ARHGAP40: variants seen among roughly 807,000 people sequenced by gnomAD.
ARHGAP40 encodes Rho GTPase activating protein 40.
ARHGAP40 carries 43 observed loss-of-function variants against 73.5 expected under a neutral mutation model. The observed-to-expected ratio is 0.58, with a 90% CI of 0.46 to 0.75. The LOEUF (loss-of-function observed/expected upper bound fraction) is 0.75. ARHGAP40 is among the 30% of genes least tolerant of loss of function. The probability of loss-of-function intolerance (pLI) is 0.00; values close to 1 mark genes in which losing one functional copy is unlikely to be tolerated. For missense variants in ARHGAP40, 734 were observed against 861.8 expected (o/e 0.85, Z 1.86); for synonymous variants, 300 against 352.8 (o/e 0.85, Z 1.68).
intron 10 of ARHGAP40, among the ~76,000 whole-genome samples, chr20:38,643,127 C>G (rs1246794514): frequency 6.9e-6 from 1 of 145,152 alleles, no homozygotes; most frequent in African/African-American, 2.6e-5. Flanking sequence ...GCCTGGGAGA[C>G]AGAGTGAGAC....
chr20:38,613,580 C>G (rs2088816483), intron 1 of ARHGAP40, among the ~76,000 whole-genome samples: 1 of 152,006 alleles, frequency 6.6e-6, no homozygotes, highest in African/African-American at 2.4e-5. Flanking sequence ...GGAGAAGCAC[C>G]CTGCCCTGGA....
chr20:38,638,073 G>T (rs1475489192), intron 7 of ARHGAP40, among the ~76,000 whole-genome samples: 1 of 151,936 alleles, frequency 6.6e-6, no homozygotes, highest in Non-Finnish European at 1.5e-5. Context: ...ACTTTGGGAG[G>T]CCGAAGCGGG....
chr20:38,636,504 C>T (rs138781600), intron 6 of ARHGAP40, among the ~76,000 whole-genome samples: 1,956 of 152,202 alleles, frequency 0.013, 45 homozygotes, highest in African/African-American at 0.045. Context: ...CTCAAATGAT[C>T]TTCCCACCTC....
chr20:38,629,650 G>A (rs764309577), exon 5 of ARHGAP40: 45 of 1,305,172 alleles, frequency 3.4e-5, no homozygotes, highest in South Asian at 6.2e-5. Flanking sequence ...GTTCCCTGCC[G>A]GTGAGGATGC....
intron 3 of ARHGAP40, among the ~76,000 whole-genome samples, chr20:38,628,059 CA>C (rs2088913626): frequency 6.6e-6 from 1 of 152,188 alleles, no homozygotes; most frequent in South Asian, 2.1e-4. Flanking sequence ...GACAGCAGCC[CA>C]GGGGCAGGAC....
intron 1 of ARHGAP40, among the ~76,000 whole-genome samples, chr20:38,621,483 G>A (rs1459093715): frequency 6.6e-6 from 1 of 152,204 alleles, no homozygotes; most frequent in Non-Finnish European, 1.5e-5. Flanking sequence ...TGCTTAGCAT[G>A]CATGGGACTC....
intron 3 of ARHGAP40, among the ~76,000 whole-genome samples, chr20:38,628,461 T>C (rs1210402119): frequency 6.6e-6 from 1 of 151,960 alleles, no homozygotes; most frequent in Non-Finnish European, 1.5e-5. Flanking sequence ...CCCGCCACCA[T>C]GCCCGGCTAA....
At chr20:38,640,870 G>T (rs1184644172) in intron 9 of ARHGAP40, among the ~76,000 whole-genome samples, 3 of 152,174 alleles carry the variant, frequency 2.0e-5, no homozygotes, top group African/African-American at 7.2e-5. Flanking sequence ...CATGCTGCCT[G>T]CCAGCCTCTA....
At chr20:38,610,948 G>C (rs2088801276) in intron 1 of ARHGAP40, among the ~76,000 whole-genome samples, 2 of 147,056 alleles carry the variant, frequency 1.4e-5, no homozygotes, top group South Asian at 4.3e-4. Context: ...GGAGTGCAGT[G>C]GCAAAATCTC....
chr20:38,627,255 G>T (rs1430180127), intron 3 of ARHGAP40, 40 bp downstream of exon 3: 9 of 1,293,600 alleles, frequency 7.0e-6, no homozygotes, highest in Non-Finnish European at 7.1e-6. Context: ...CGTCTGACTG[G>T]GATCTCTGTG....
chr20:38,631,661 C>G (rs1214057569), intron 5 of ARHGAP40, among the ~76,000 whole-genome samples: 1 of 152,124 alleles, frequency 6.6e-6, no homozygotes, highest in Non-Finnish European at 1.5e-5. Flanking sequence ...TATCATGGTG[C>G]TCAGAGAGGA....
chr20:38,636,812 A>G (rs2088977935), intron 6 of ARHGAP40, among the ~76,000 whole-genome samples: 1 of 152,166 alleles, frequency 6.6e-6, no homozygotes, highest in Non-Finnish European at 1.5e-5. Flanking sequence ...CAGCATTGTC[A>G]ACATTATGCA....
intron 3 of ARHGAP40, among the ~76,000 whole-genome samples, chr20:38,628,386 G>A (rs1198470555): frequency 6.6e-6 from 1 of 151,674 alleles, no homozygotes. Context: ...CTCACTGCAA[G>A]CTCCGCCTCC....
chr20:38,629,027 C>T, intron 4 of ARHGAP40, 25 bp downstream of exon 4: 1 of 1,294,666 alleles, frequency 7.7e-7, no homozygotes, highest in Non-Finnish European at 1.0e-6. Context: ...TTCTCCAGGG[C>T]CCTGAGAATC....
At chr20:38,618,397 G>A (rs1014155789) in intron 1 of ARHGAP40, among the ~76,000 whole-genome samples, 4 of 152,116 alleles carry the variant, frequency 2.6e-5, no homozygotes, top group Admixed American at 6.5e-5. Flanking sequence ...GTGAGCCACC[G>A]CACCCAGCCC....
rs200460744 is a variant in ARHGAP40 at position 38,639,318 on chromosome 20, G to T, written c.1211G>T (p.Arg404Met). Residue 404 changes from arginine to methionine, a missense_variant, in exon 9 of 15, where the codon AGG (arginine) becomes ATG (methionine). Transcript: ENST00000373345. ...AATGACGCCTCTGATTTGCTCAAAA[G>T]GTTCATCCGGAAGCTGCCGACACCT... 14 of 1,305,398 alleles carry T rather than the reference G, an allele frequency of 1.1e-5. No homozygotes were observed. The highest frequency in any genetic ancestry group is 3.0e-5 in the African/African-American group (2 of 65,892). The allele number at this position is 1,305,398 out of a possible 1,614,324, so 80.9% of individuals were successfully genotyped here. A position where few individuals can be genotyped will look rare whatever the true frequency, so the allele number is the denominator to read the frequency against.
intron 5 of ARHGAP40, among the ~76,000 whole-genome samples, chr20:38,633,137 T>A (rs954272092): frequency 3.5e-5 from 5 of 143,060 alleles, no homozygotes; most frequent in South Asian, 2.2e-4. Context: ...AAAAAAAAAA[T>A]AGTTGGATGT....
At chr20:38,632,536 C>G (rs2088947810) in intron 5 of ARHGAP40, among the ~76,000 whole-genome samples, 2 of 151,988 alleles carry the variant, frequency 1.3e-5, no homozygotes, top group Non-Finnish European at 2.9e-5. Flanking sequence ...GCTGGGATTA[C>G]AGGCGTGAGC....
At chr20:38,644,058 C>A (rs970880711) in intron 11 of ARHGAP40, 148 bp downstream of exon 11, 6 of 578,020 alleles carry the variant, frequency 1.0e-5, no homozygotes, top group Non-Finnish European at 1.5e-5. Context: ...TGTTTTCTTC[C>A]TCCCCCTGCC....
Sources: allele counts gnomAD v4.1 joint callset (sites outside exome capture counted in the v4.1 genomes callset), GRCh38; gene constraint gnomAD v4.1.1; transcripts MANE v1.5; gene names NCBI Gene and HGNC (gene_info 2026-07-23, HGNC 2026-07-21).